The following CCNYL1 variants were observed in gnomAD, a reference collection of about 807,000 sequenced individuals.
The protein encoded by CCNYL1 is cyclin-Y-like protein 1.
In CCNYL1, 16 loss-of-function variants were observed where a neutral mutation model predicts 44.2. The ratio of observed to expected loss-of-function variants is 0.36; its 90% CI spans 0.25 to 0.55. The LOEUF (loss-of-function observed/expected upper bound fraction) is 0.55. Among genes scored for constraint, CCNYL1 ranks in the 20% least tolerant of loss-of-function variants. The probability of loss-of-function intolerance (pLI) is 0.85; values close to 1 mark genes in which losing one functional copy is unlikely to be tolerated. For synonymous variants in CCNYL1, 159 were observed against 163.2 expected (o/e 0.97, Z 0.20); for missense variants, 348 against 451.8 (o/e 0.77, Z 2.08).
intron 9 of CCNYL1, among the ~76,000 whole-genome samples, chr2:207,751,705 T>G (rs1410517792): frequency 6.6e-6 from 1 of 151,990 alleles, no homozygotes; most frequent in East Asian, 1.9e-4. Context: ...AAATACAAAA[T>G]TAGCCGGCCG....
chr2:207,712,843 G>A (rs1017566678), intron 1 of CCNYL1, among the ~76,000 whole-genome samples: 2 of 152,170 alleles, frequency 1.3e-5, no homozygotes, highest in African/African-American at 2.4e-5. Flanking sequence ...ACGGAATCTC[G>A]TTTTGTCGCC....
In CCNYL1 at chr2:207,742,223, C is replaced by A. The variant is rs745695508; in HGVS notation, c.520C>A (p.Arg174=). Residue 174 remains arginine, a splice_region_variant and synonymous_variant, in exon 7 of 10, where the codon CGA becomes AGA. Transcript: ENST00000295414. ...IFDERSHPLT[R]EKVPEEYFKH... is the part of the protein sequence containing the mutation. The stretch of plus-strand genomic sequence containing the variant: ...AACATTGCATCTTTTCTTCTTTCAG[C>A]GAGAAAAAGTTCCAGAGGAATACTT... 4.4e-6 allele frequency: 7 copies of A among 1,594,080 alleles called. No homozygotes were observed. The highest frequency in any genetic ancestry group is 1.8e-5 in the Admixed American group (1 of 54,976).
intron 2 of CCNYL1, 42 bp from the exon 3 acceptor site, chr2:207,726,800 C>T: frequency 7.2e-7 from 1 of 1,386,848 alleles, no homozygotes; most frequent in Non-Finnish European, 1.0e-6. Context: ...TATACTGTGG[C>T]ATTTGTATCA....
At chr2:207,732,446 T>C (rs2091735463) in intron 3 of CCNYL1, among the ~76,000 whole-genome samples, 1 of 152,224 alleles carries the variant, frequency 6.6e-6, no homozygotes, top group Non-Finnish European at 1.5e-5. Context: ...CTACTGGCGA[T>C]TTTTTAATGC....
chr2:207,747,315 G>A (rs2091861255), intron 8 of CCNYL1, 102 bp downstream of exon 8: 2 of 1,000,340 alleles, frequency 2.0e-6, no homozygotes, highest in Non-Finnish European at 2.9e-6. Context: ...ACATTATGCA[G>A]ATAATGGAAA....
At chr2:207,745,907 C>T (rs2091851806) in intron 7 of CCNYL1, among the ~76,000 whole-genome samples, 1 of 152,188 alleles carries the variant, frequency 6.6e-6, no homozygotes, top group Admixed American at 6.5e-5. Context: ...CATCACTGCA[C>T]TCCAGCCTAA....
rs2091901583 is a variant in CCNYL1, at chr2:207,752,547, AT to A, written c.970-1040del. The stretch of plus-strand genomic sequence containing the variant: ...AGACCCTTGTCTCAAAAAAAAAAAA[AT>A]AATAATGTAGGAAGTACATGGGTTT... On this transcript the variant is annotated intron_variant, in intron 9 of 9. Coordinates refer to ENST00000295414, the MANE Select transcript of CCNYL1 (RefSeq NM_001330218.2). Among the ~76,000 whole-genome samples, 12 of 151,584 alleles carry A rather than the reference AT, an allele frequency of 7.9e-5. No homozygotes were observed. The South Asian group carries it at 2.5e-3, about 32-fold the overall frequency.
intron 1 of CCNYL1, among the ~76,000 whole-genome samples, chr2:207,723,513 T>C (rs2091656766): frequency 6.6e-6 from 1 of 152,138 alleles, no homozygotes; most frequent in South Asian, 2.1e-4. Context: ...TTGGGAAATA[T>C]CGCCTTAACT....
Position 207,728,676 on chromosome 2 carries a change from A to G in CCNYL1, c.330+1800A>G, listed in dbSNP as rs550362071. Reference sequence around the variant, plus strand: ...TATGTTCTCATTATAGTATTCTTGAATCTGTTGCCATTGTGTGATACAGTT... The same window carrying G: ...TATGTTCTCATTATAGTATTCTTGAGTCTGTTGCCATTGTGTGATACAGTT... On this transcript the variant is annotated intron_variant, in intron 3 of 9. Transcript: ENST00000295414. Among the ~76,000 whole-genome samples the G allele has an allele frequency of 7.9e-5, 12 of 152,292 alleles. No individual in the cohort carries two copies. The South Asian group carries it at 2.1e-3, about 26-fold the overall frequency.
chr2:207,715,061 A>T (rs2091582781), intron 1 of CCNYL1, among the ~76,000 whole-genome samples: 3 of 152,172 alleles, frequency 2.0e-5, no homozygotes, highest in African/African-American at 7.2e-5. Flanking sequence ...CGAGGTCAGG[A>T]GTTCGAGAGC....
chr2:207,713,449 A>G (rs2091569481), intron 1 of CCNYL1, among the ~76,000 whole-genome samples: 1 of 152,132 alleles, frequency 6.6e-6, no homozygotes. Flanking sequence ...TAAACCGTTG[A>G]GGTAGGGGTG....
rs572761106 is a variant in CCNYL1 at position 207,721,485 on chromosome 2, A to G, written c.221-3315A>G. 2.6e-5 allele frequency among the ~76,000 whole-genome samples: 4 copies of G among 152,332 alleles called. No individual in the cohort carries two copies. In the East Asian group the frequency reaches 7.7e-4, roughly 29 times the overall value. The stretch of plus-strand genomic sequence containing the variant: ...ATTGAGATGGCTGATAGATTCAAGG[A>G]GAAGCAGTGTTCAATGTCAGTGGAT... On this transcript the variant is annotated intron_variant, in intron 1 of 9. Transcript: ENST00000295414.
intron 9 of CCNYL1, among the ~76,000 whole-genome samples, chr2:207,751,795 G>T (rs1334352988): frequency 6.7e-6 from 1 of 149,704 alleles, no homozygotes; most frequent in African/African-American, 2.5e-5. Flanking sequence ...CGGAGGTTGT[G>T]GTGAGCTGAA....
chr2:207,742,920 G>C (rs2091822287), intron 7 of CCNYL1, among the ~76,000 whole-genome samples: 1 of 152,180 alleles, frequency 6.6e-6, no homozygotes, highest in Non-Finnish European at 1.5e-5. Context: ...AGCTATAGCT[G>C]TGTCCTTAAC....
At chr2:207,735,394 C>G (rs1000407081) in intron 4 of CCNYL1, among the ~76,000 whole-genome samples, 2 of 152,218 alleles carry the variant, frequency 1.3e-5, no homozygotes, top group South Asian at 2.1e-4. Context: ...CAAACAAATT[C>G]ATCTCACCTC....
chr2:207,752,122 C>G (rs199517744), intron 9 of CCNYL1, among the ~76,000 whole-genome samples: 2 of 110,948 alleles, frequency 1.8e-5, no homozygotes, highest in South Asian at 4.4e-4. Flanking sequence ...GTCTTACTTA[C>G]TGTTTGCAAA....
At chr2:207,725,400 C>G (rs2091672837) in intron 2 of CCNYL1, among the ~76,000 whole-genome samples, 1 of 152,230 alleles carries the variant, frequency 6.6e-6, no homozygotes, top group South Asian at 2.1e-4. Flanking sequence ...GCTGGGATTA[C>G]AGGCGTGAGC....
At chr2:207,723,293 G>C (rs1311546327) in intron 1 of CCNYL1, among the ~76,000 whole-genome samples, 1 of 152,144 alleles carries the variant, frequency 6.6e-6, no homozygotes, top group Admixed American at 6.5e-5. Flanking sequence ...GTTCATATAA[G>C]ATTCTAACCA....
intron 2 of CCNYL1, among the ~76,000 whole-genome samples, chr2:207,726,247 T>A (rs577730000): frequency 5.9e-5 from 9 of 152,224 alleles, no homozygotes; most frequent in Non-Finnish European, 1.3e-4. Context: ...AAAATGATTT[T>A]ATGTGCTGAA....
Sources: allele counts gnomAD v4.1 joint callset (sites outside exome capture counted in the v4.1 genomes callset), GRCh38; gene constraint gnomAD v4.1.1; transcripts MANE v1.5; gene names NCBI Gene and HGNC (gene_info 2026-07-23, HGNC 2026-07-21).